The following TNFRSF19 variants were observed in gnomAD, a reference collection of about 807,000 sequenced individuals.
TNFRSF19 encodes the protein tumor necrosis factor receptor superfamily member 19.
TNFRSF19 carries 27 observed loss-of-function variants against 46.4 expected under a neutral mutation model. That is an observed-to-expected ratio of 0.58 (90% CI 0.43 to 0.80). The LOEUF (loss-of-function observed/expected upper bound fraction) is 0.80. Among genes scored for constraint, TNFRSF19 ranks in the 30% least tolerant of loss-of-function variants. The pLI, the probability that TNFRSF19 is intolerant of heterozygous loss-of-function variation, is 0.00. For synonymous variants in TNFRSF19, 204 were observed against 205.0 expected, an observed-to-expected ratio of 1.00 and a Z score of 0.04; for missense variants, 511 against 530.8, an observed-to-expected ratio of 0.96 and a Z score of 0.37.
At chr13:23,593,322 T>C (rs746968632) in intron 2 of TNFRSF19, 23 bp from the exon 3 acceptor site, 1 of 1,462,506 alleles carries the variant, frequency 6.8e-7, no homozygotes, top group Non-Finnish European at 9.3e-7. Flanking sequence ...TAAGATAACA[T>C]TTTGTTAAAT....
chr13:23,609,775 T>A (rs1359528837), intron 3 of TNFRSF19, among the ~76,000 whole-genome samples: 3 of 152,176 alleles, frequency 2.0e-5, no homozygotes, highest in African/African-American at 4.8e-5. Context: ...AGGAAAGTTT[T>A]AAAAAAATTA....
At chr13:23,594,840 C>G (rs951247472) in intron 3 of TNFRSF19, among the ~76,000 whole-genome samples, 2 of 152,190 alleles carry the variant, frequency 1.3e-5, no homozygotes, top group African/African-American at 2.4e-5. Context: ...CAGCAGGGGT[C>G]GCCAGACACC....
intron 8 of TNFRSF19, among the ~76,000 whole-genome samples, chr13:23,668,448 T>A (rs1330442777): frequency 6.6e-6 from 1 of 152,210 alleles, no homozygotes; most frequent in African/African-American, 2.4e-5. Flanking sequence ...AACTGCATGT[T>A]TTAGACATTG....
intron 2 of TNFRSF19, among the ~76,000 whole-genome samples, chr13:23,592,941 G>C (rs1002162548): frequency 6.6e-5 from 10 of 151,462 alleles, no homozygotes; most frequent in African/African-American, 2.4e-4. Context: ...ATTTTTTTCT[G>C]GTAGCAAAAG....
chr13:23,586,438 C>T (rs1289622839), intron 1 of TNFRSF19, among the ~76,000 whole-genome samples: 3 of 152,114 alleles, frequency 2.0e-5, no homozygotes, highest in Non-Finnish European at 4.4e-5. Flanking sequence ...AGACTGGGGG[C>T]AGGCATTGTA....
intron 5 of TNFRSF19, among the ~76,000 whole-genome samples, chr13:23,640,921 T>A (rs1883004180): frequency 6.6e-6 from 1 of 152,226 alleles, no homozygotes; most frequent in African/African-American, 2.4e-5. Context: ...GTATTTTAAA[T>A]ATGTGATGTT....
Position 23,660,353 on chromosome 13 carries a change from C to T in TNFRSF19, c.611-12C>T, listed in dbSNP as rs1593296165. 4 of 1,611,330 alleles carry T rather than the reference C, an allele frequency of 2.5e-6. No individual in the cohort carries two copies. Among genetic ancestry groups the T allele is most frequent in the Non-Finnish European group, 3.4e-6 (4 of 1,178,516 alleles). ...ACTGTGTTCCCTGACAGAGTTCTCA[C>T]CCCTCATTTAGGGTCTCTGCGGTCA... On this transcript the variant is annotated splice_polypyrimidine_tract_variant and intron_variant, in intron 6 of 9. Transcript: ENST00000248484.
At chr13:23,669,223 A>T in intron 9 of TNFRSF19, 126 bp downstream of exon 9, 1 of 1,436,820 alleles carries the variant, frequency 7.0e-7, no homozygotes, top group Admixed American at 2.9e-5. Flanking sequence ...AATTTCTTGT[A>T]TGTTGTAGAG....
intron 5 of TNFRSF19, among the ~76,000 whole-genome samples, chr13:23,633,111 C>CTTT (rs34800120): frequency 0.034 from 4,627 of 136,062 alleles, 168 homozygotes; most frequent in African/African-American, 0.057. Context: ...TTGTTGACGT[C>CTTT]TTTTTTTTTT....
chr13:23,593,615 A>G (rs1039257716), intron 3 of TNFRSF19, among the ~76,000 whole-genome samples, 160 bp downstream of exon 3: 1 of 152,192 alleles, frequency 6.6e-6, no homozygotes, highest in African/African-American at 2.4e-5. Context: ...TCCTTTTTTA[A>G]TACTTTTGAT....
intron 3 of TNFRSF19, among the ~76,000 whole-genome samples, chr13:23,594,003 G>A (rs1006438494): frequency 6.6e-5 from 10 of 152,142 alleles, no homozygotes; most frequent in African/African-American, 1.4e-4. Flanking sequence ...CAAGGGGTCC[G>A]GGTACTCCTC....
intron 7 of TNFRSF19, among the ~76,000 whole-genome samples, chr13:23,664,962 C>G (rs758054370): frequency 6.6e-6 from 1 of 152,160 alleles, no homozygotes; most frequent in Non-Finnish European, 1.5e-5. Flanking sequence ...CATCATTGAA[C>G]AAAATATTGC....
intron 1 of TNFRSF19, among the ~76,000 whole-genome samples, chr13:23,571,139 A>T (rs1420201313): frequency 6.6e-6 from 1 of 152,218 alleles, no homozygotes; most frequent in Non-Finnish European, 1.5e-5. Flanking sequence ...TCACTTTAGC[A>T]TGCAACTGGT....
At chr13:23,642,398 G>A (rs547553708) in intron 5 of TNFRSF19, among the ~76,000 whole-genome samples, 53 of 152,302 alleles carry the variant, frequency 3.5e-4, no homozygotes, top group African/African-American at 1.2e-3. Flanking sequence ...TGTGTGCCAG[G>A]TTCCACGCTA....
chr13:23,670,234 G>A (rs1951737342), intron 9 of TNFRSF19, among the ~76,000 whole-genome samples: 1 of 152,230 alleles, frequency 6.6e-6, no homozygotes, highest in East Asian at 1.9e-4. Context: ...TCTCTCTGTC[G>A]CCCAGGCCAG....
At chr13:23,598,297 A>C (rs12864437) in intron 3 of TNFRSF19, among the ~76,000 whole-genome samples, 37,988 of 152,038 alleles carry the variant, frequency 0.25, 5,338 homozygotes, top group African/African-American at 0.38. Context: ...TGATGGATTG[A>C]TGGGTGCAGC....
At chr13:23,571,801 A>G (rs566829002) in intron 1 of TNFRSF19, among the ~76,000 whole-genome samples, 11 of 152,100 alleles carry the variant, frequency 7.2e-5, no homozygotes, top group African/African-American at 2.4e-4. Flanking sequence ...ACACACACAC[A>G]GTAAAATCTT....
chr13:23,619,615 G>A (rs1021104798), intron 4 of TNFRSF19, among the ~76,000 whole-genome samples: 11 of 152,190 alleles, frequency 7.2e-5, no homozygotes, highest in Admixed American at 4.6e-4. Flanking sequence ...TCTATGGATA[G>A]CATTACTCAG....
intron 7 of TNFRSF19, among the ~76,000 whole-genome samples, chr13:23,663,713 C>T (rs1479530528): frequency 6.6e-6 from 1 of 152,058 alleles, no homozygotes; most frequent in African/African-American, 2.4e-5. Context: ...TTCAGGGAAT[C>T]GATTTCTTCC....
Sources: allele counts gnomAD v4.1 joint callset (sites outside exome capture counted in the v4.1 genomes callset), GRCh38; gene constraint gnomAD v4.1.1; transcripts MANE v1.5; gene names NCBI Gene and HGNC (gene_info 2026-07-23, HGNC 2026-07-21).